TXNRD2: variants seen among roughly 807,000 people sequenced by gnomAD.
TXNRD2 encodes thioredoxin reductase 2, mitochondrial.
Under a neutral mutation model 70.8 loss-of-function variants are expected in TXNRD2, and 67 were observed. The observed-to-expected ratio is 0.95, with a 90% CI of 0.78 to 1.16. TXNRD2 has a LOEUF of 1.16. Among genes scored for constraint, TXNRD2 ranks in the 50% most tolerant of loss-of-function variants. The pLI is 0.00. For missense variants in TXNRD2, 644 were observed against 719.9 expected (o/e 0.89, Z 1.21); for synonymous variants, 301 against 295.8 (o/e 1.02, Z -0.18).
intron 2 of TXNRD2, among the ~76,000 whole-genome samples, chr22:19,925,815 A>G (rs1465649630): frequency 6.6e-6 from 1 of 151,976 alleles, no homozygotes; most frequent in Non-Finnish European, 1.5e-5. Context: ...AAGGAAAAAA[A>G]TAGATAAATT....
intron 11 of TXNRD2, chr22:19,894,345 T>G (rs1164534847): frequency 6.6e-6 from 1 of 152,290 alleles, no homozygotes; most frequent in Non-Finnish European, 1.5e-5. Context: ...GCTTGTACAA[T>G]ATGAACGTAC....
chr22:19,895,983 T>G (rs1360736747), intron 10 of TXNRD2, among the ~76,000 whole-genome samples: 1 of 151,870 alleles, frequency 6.6e-6, no homozygotes, highest in East Asian at 1.9e-4. Context: ...GGCGACAGAG[T>G]GAGACTCTAT....
chr22:19,923,108 C>T (rs980400341), intron 2 of TXNRD2, among the ~76,000 whole-genome samples: 4 of 152,176 alleles, frequency 2.6e-5, no homozygotes, highest in African/African-American at 9.7e-5. Flanking sequence ...ATTGCCTTCC[C>T]AAGTGGCCAT....
intron 2 of TXNRD2, among the ~76,000 whole-genome samples, chr22:19,924,329 A>T (rs1196278260): frequency 6.6e-6 from 1 of 152,160 alleles, no homozygotes; most frequent in East Asian, 1.9e-4. Flanking sequence ...TTATAGCCAC[A>T]TAGCCACATC....
intron 11 of TXNRD2, chr22:19,891,304 G>C (rs1232114561): frequency 6.6e-6 from 1 of 152,330 alleles, no homozygotes; most frequent in Non-Finnish European, 1.5e-5. Context: ...GGGACCCCCA[G>C]GTTTAGCGAG....
At chr22:19,907,697 T>G (rs1380526426) in intron 8 of TXNRD2, among the ~76,000 whole-genome samples, 10 of 41,446 alleles carry the variant, frequency 2.4e-4, no homozygotes, top group Admixed American at 7.8e-4. Context: ...GCGCCGTGGG[T>G]AGCAGTGACC....
intron 1 of TXNRD2, among the ~76,000 whole-genome samples, chr22:19,939,938 T>C (rs910934195): frequency 6.6e-6 from 1 of 152,124 alleles, no homozygotes; most frequent in Admixed American, 6.6e-5. Context: ...TTAACTCACA[T>C]GCAGTAGTAT....
rs1219814151 is a variant in TXNRD2 at position 19,915,224 on chromosome 22, T to C, written c.581A>G (p.Tyr194Cys). 6.2e-6 allele frequency: 10 copies of C among 1,613,414 alleles called. No individual in the cohort carries two copies. The African/African-American group carries it at 1.2e-4, about 19-fold the overall frequency. ...IIIATGGRPR[Y>C]PTHIEGALEY... The stretch of plus-strand genomic sequence containing the variant: ...TCTGGGGACACTCACGTGCGTGGGG[T>C]ATCTCGGCCGCCCTCCAGTAGCAAT... Residue 194 changes from tyrosine to cysteine, a missense_variant, in exon 7 of 18, where the codon TAC (tyrosine) becomes TGC (cysteine). Physicochemically the swap from Tyr to Cys is radical, Grantham distance 194. Around this residue, in one of 3 missense-constraint regions of TXNRD2, gnomAD observed 566 missense variants for 645.0 expected, o/e 0.88. Coordinates refer to ENST00000400521, the MANE Select transcript of TXNRD2 (RefSeq NM_006440.5).
At chr22:19,902,527 C>T (rs911045176) in intron 8 of TXNRD2, among the ~76,000 whole-genome samples, 2 of 152,196 alleles carry the variant, frequency 1.3e-5, no homozygotes, top group African/African-American at 2.4e-5. Context: ...CCAGATGGGC[C>T]GCCAAGCTGC....
chr22:19,932,558 C>G, intron 1 of TXNRD2: 1 of 1,482,380 alleles, frequency 6.7e-7, no homozygotes, highest in Non-Finnish European at 9.0e-7. Context: ...GTCCGGGACA[C>G]CCAGCACCAG....
Position 19,875,818 on chromosome 22 carries a change from C to T in TXNRD2, c.*66-11G>A, listed in dbSNP as rs1296649795. 1 of 152,360 alleles carries T rather than the reference C, an allele frequency of 6.6e-6. No homozygotes were observed. The highest frequency in any genetic ancestry group is 2.4e-5 in the African/African-American group (1 of 41,438). 9.4% of individuals were successfully genotyped at this position (152,360 alleles called of 1,614,324 possible). A position where few individuals can be genotyped will look rare whatever the true frequency, so the allele number is the denominator to read the frequency against. ...TGGCCTGCAGCCATCCTGCCAACAA[C>T]AGGAAGGTCAGCACAGGTCAGCCAC... On this transcript the variant is annotated splice_polypyrimidine_tract_variant and intron_variant, in intron 17 of 17. Coordinates refer to ENST00000400521, the MANE Select transcript of TXNRD2 (RefSeq NM_006440.5).
intron 8 of TXNRD2, among the ~76,000 whole-genome samples, chr22:19,907,139 CATGG>C (rs1940069672): frequency 9.7e-6 from 1 of 103,172 alleles, no homozygotes; most frequent in African/African-American, 3.9e-5. Flanking sequence ...GTGTGGGCAC[CATGG>C]GTAGCACTGA....
chr22:19,918,629 G>A (rs950196830), intron 4 of TXNRD2, among the ~76,000 whole-genome samples: 7 of 152,172 alleles, frequency 4.6e-5, no homozygotes, highest in African/African-American at 1.7e-4. Flanking sequence ...GTGCATGGCT[G>A]TAGCATCCCT....
intron 1 of TXNRD2, among the ~76,000 whole-genome samples, chr22:19,937,188 G>A (rs1941564610): frequency 6.6e-6 from 1 of 152,122 alleles, no homozygotes; most frequent in African/African-American, 2.4e-5. Flanking sequence ...AAATCGGGCT[G>A]ATGGCATTCC....
chr22:19,876,948 C>T (rs1280822050), intron 17 of TXNRD2, 92 bp downstream of exon 17: 2 of 900,298 alleles, frequency 2.2e-6, no homozygotes, highest in Admixed American at 3.0e-5. Context: ...CAGGTGTAGC[C>T]TTGCTGTACA....
chr22:19,909,005 G>A (rs534040335), intron 8 of TXNRD2, among the ~76,000 whole-genome samples: 1 of 152,210 alleles, frequency 6.6e-6, no homozygotes, highest in African/African-American at 2.4e-5. Context: ...AGGAGTTTGA[G>A]ACCAGCCTGG....
chr22:19,902,188 C>CAAACA (rs776246177), intron 8 of TXNRD2, among the ~76,000 whole-genome samples: 12 of 152,172 alleles, frequency 7.9e-5, no homozygotes, highest in Non-Finnish European at 1.3e-4. Context: ...GTCTCTAAAA[C>CAAACA]AAACAAAACA....
intron 14 of TXNRD2, 111 bp downstream of exon 14, chr22:19,880,068 G>T: frequency 8.9e-7 from 1 of 1,125,756 alleles, no homozygotes; most frequent in Non-Finnish European, 1.3e-6. Context: ...ACTGCTCAGG[G>T]CCCCTGGAAA....
At chr22:19,928,568 G>T (rs372858610) in intron 2 of TXNRD2, among the ~76,000 whole-genome samples, 1 of 152,190 alleles carries the variant, frequency 6.6e-6, no homozygotes, top group East Asian at 1.9e-4. Flanking sequence ...ATGCAGAAGT[G>T]GGGGAAGCCG....
Sources: gnomAD v4.1 joint callset for allele counts (sites outside exome capture counted in the v4.1 genomes callset) on GRCh38, gnomAD v4.1.1 for gene constraint, gnomAD v4.1.1 regional missense constraint, MANE v1.5 for transcripts, NCBI Gene and HGNC (gene_info 2026-07-23, HGNC 2026-07-21) for gene names.